ADAMTS18: variants seen among roughly 807,000 people sequenced by gnomAD.
ADAMTS18 encodes the protein ADAM metallopeptidase with thrombospondin type 1 motif 18.
In ADAMTS18, 157 loss-of-function variants were observed where a neutral mutation model predicts 165.9. That is an observed-to-expected ratio of 0.95 (90% CI 0.83 to 1.08). The LOEUF is 1.08. Ranked by LOEUF, ADAMTS18 falls within the 50% of genes least tolerant of loss-of-function variation. The pLI is 0.00. For synonymous variants in ADAMTS18, 782 were observed against 578.2 expected, an observed-to-expected ratio of 1.35 and a Z score of -5.06; for missense variants, 2,040 against 1,534.0, an observed-to-expected ratio of 1.33 and a Z score of -5.51.
Position 77,367,523 on chromosome 16 carries a change from A to G in ADAMTS18, c.696T>C (p.Ile232=). 6.2e-7 allele frequency: 1 copy of G among 1,614,198 alleles called. No individual in the cohort carries two copies. The highest frequency in any genetic ancestry group is 2.2e-5 in the East Asian group (1 of 44,876). The change falls in exon 4 of 23, where the codon ATT becomes ATC. Residue 232 remains isoleucine, a synonymous_variant. Transcript: ENST00000282849. Reference sequence around the variant, plus strand: ...TCTCTCGACTCTGAGATGCATGGGGAATGTGACTTGGGGAGTAACCAGGAT... The same window carrying G: ...TCTCTCGACTCTGAGATGCATGGGGGATGTGACTTGGGGAGTAACCAGGAT... ...RNYPGYSPSH[I]PHASQSRETE...
chr16:77,425,335 T>G (rs893787428), intron 3 of ADAMTS18, among the ~76,000 whole-genome samples: 1 of 151,916 alleles, frequency 6.6e-6, no homozygotes. Flanking sequence ...CTGGAGGGAG[T>G]TCTCATGGCA....
intron 8 of ADAMTS18, among the ~76,000 whole-genome samples, chr16:77,357,593 T>C (rs1359574415): frequency 1.3e-5 from 2 of 152,184 alleles, no homozygotes; most frequent in Admixed American, 6.5e-5. Flanking sequence ...TAGGAGAGAT[T>C]GAAGCCATTA....
At chr16:77,300,786 C>G (rs2055567674) in intron 16 of ADAMTS18, among the ~76,000 whole-genome samples, 1 of 152,120 alleles carries the variant, frequency 6.6e-6, no homozygotes, top group Non-Finnish European at 1.5e-5. Flanking sequence ...GGTGAACACA[C>G]ATAGTCGTAC....
At chr16:77,398,581 C>T (rs938939613) in intron 3 of ADAMTS18, among the ~76,000 whole-genome samples, 2 of 152,138 alleles carry the variant, frequency 1.3e-5, no homozygotes, top group Non-Finnish European at 2.9e-5. Flanking sequence ...GTCTAGATCA[C>T]GGTTTCTCAG....
At chr16:77,348,643 G>A (rs2056511685) in intron 10 of ADAMTS18, among the ~76,000 whole-genome samples, 1 of 152,154 alleles carries the variant, frequency 6.6e-6, no homozygotes, top group Non-Finnish European at 1.5e-5. Flanking sequence ...TGTGAGCTTT[G>A]GTTATCACTG....
intron 3 of ADAMTS18, among the ~76,000 whole-genome samples, chr16:77,386,659 C>T (rs2057112152): frequency 1.3e-5 from 2 of 152,116 alleles, no homozygotes; most frequent in South Asian, 2.1e-4. Context: ...CTAATTCAAC[C>T]TTATAGTTGA....
At chr16:77,404,010 TCCC>T (rs2057363817) in intron 3 of ADAMTS18, among the ~76,000 whole-genome samples, 2 of 125,728 alleles carry the variant, frequency 1.6e-5, no homozygotes, top group African/African-American at 5.7e-5. Context: ...CCTCCCTCCC[TCCC>T]TCCCTCCCTC....
intron 2 of ADAMTS18, 160 bp from the exon 3 acceptor site, chr16:77,431,771 A>C (rs2057743757): frequency 3.9e-6 from 3 of 775,224 alleles, no homozygotes; most frequent in African/African-American, 1.7e-5. Context: ...CAGGCAGCAG[A>C]AGACCTGTCT....
chr16:77,348,439 T>C (rs1023975597), intron 10 of ADAMTS18, among the ~76,000 whole-genome samples: 10 of 152,100 alleles, frequency 6.6e-5, no homozygotes, highest in Non-Finnish European at 1.3e-4. Context: ...ACCTCCAGGG[T>C]GGCAGAAGAG....
At chr16:77,341,820 G>C (rs748682961) in intron 10 of ADAMTS18, 21 bp from the exon 11 acceptor site, 2 of 1,570,850 alleles carry the variant, frequency 1.3e-6, no homozygotes, top group Admixed American at 1.7e-5. Context: ...AAAAAAGGGG[G>C]GTGCTGTTAA....
At chr16:77,411,998 G>T (rs1224941091) in intron 3 of ADAMTS18, among the ~76,000 whole-genome samples, 2 of 152,012 alleles carry the variant, frequency 1.3e-5, no homozygotes, top group South Asian at 2.1e-4. Context: ...AGTGCCCAAA[G>T]ATTTAAGCAT....
chr16:77,381,194 T>TAC (rs2057024937), intron 3 of ADAMTS18, among the ~76,000 whole-genome samples: 1 of 151,654 alleles, frequency 6.6e-6, no homozygotes, highest in African/African-American at 2.4e-5. Flanking sequence ...ACCTGATGGG[T>TAC]ACTTTATTAA....
rs1264742920 is a variant in ADAMTS18 at position 77,364,736 on chromosome 16, GAAAGAAAGA to G, written c.779-364_779-356del. Among the ~76,000 whole-genome samples, 18 of 126,252 alleles carry G rather than the reference GAAAGAAAGA, an allele frequency of 1.4e-4. No individual in the cohort carries two copies. The Admixed American group carries it at 1.5e-3, about 10-fold the overall frequency. 82.8% of individuals were successfully genotyped at this position (126,252 alleles called of 152,430 possible). A position where few individuals can be genotyped will look rare whatever the true frequency, so the allele number is the denominator to read the frequency against. ...AAAATGCTCTAAAAGGAAAAAAAAA[GAAAGAAAGA>G]AAAGAAAAGAAGAAAGAAAAGGAAA... On this transcript the variant is annotated intron_variant, in intron 4 of 22. Transcript: ENST00000282849.
chr16:77,356,389 G>T (rs1042004912), intron 8 of ADAMTS18, among the ~76,000 whole-genome samples: 3 of 152,112 alleles, frequency 2.0e-5, no homozygotes, highest in African/African-American at 7.2e-5. Flanking sequence ...CCAAAGTGAT[G>T]GAACAGCCAA....
intron 6 of ADAMTS18, 129 bp from the exon 7 acceptor site, chr16:77,362,393 G>T (rs7192938): frequency 5.0e-6 from 5 of 998,224 alleles, no homozygotes; most frequent in Non-Finnish European, 7.6e-6. Flanking sequence ...CTTGAGCTAA[G>T]GTAGGAGACA....
At chr16:77,356,863 C>T (rs2056638543) in intron 8 of ADAMTS18, among the ~76,000 whole-genome samples, 1 of 151,964 alleles carries the variant, frequency 6.6e-6, no homozygotes, top group African/African-American at 2.4e-5. Context: ...TGCATACCCA[C>T]ATAGGATACA....
chr16:77,384,555 C>T (rs990161392), intron 3 of ADAMTS18, among the ~76,000 whole-genome samples: 1 of 152,118 alleles, frequency 6.6e-6, no homozygotes, highest in Non-Finnish European at 1.5e-5. Context: ...AGTGTTTGAA[C>T]TTCTGTACAT....
At chr16:77,317,150 C>T (rs2055902081) in intron 16 of ADAMTS18, among the ~76,000 whole-genome samples, 1 of 152,138 alleles carries the variant, frequency 6.6e-6, no homozygotes, top group African/African-American at 2.4e-5. Flanking sequence ...GAACCTACCA[C>T]AATCTGTACA....
intron 12 of ADAMTS18, among the ~76,000 whole-genome samples, chr16:77,333,571 C>A (rs115215116): frequency 0.011 from 1,613 of 150,220 alleles, 30 homozygotes; most frequent in African/African-American, 0.037. Context: ...AACTAAAAGC[C>A]ATCCCAAAAA....
Sources: allele counts gnomAD v4.1 joint callset (sites outside exome capture counted in the v4.1 genomes callset), GRCh38; gene constraint gnomAD v4.1.1; transcripts MANE v1.5; gene names NCBI Gene and HGNC (gene_info 2026-07-23, HGNC 2026-07-21).